Variants in OR11A1 observed in about 807,000 individuals in gnomAD.
OR11A1 encodes olfactory receptor family 11 subfamily A member 1, also known as olfactory receptor 11A1.
For missense variants in OR11A1, 380 were observed against 378.2 expected, an observed-to-expected ratio of 1.00 and a Z score of -0.04; for synonymous variants, 158 against 152.2, an observed-to-expected ratio of 1.04 and a Z score of -0.28.
intron 1 of OR11A1, chr6:29,439,413 G>A (rs1783907039): frequency 6.6e-6 from 1 of 152,304 alleles, no homozygotes; most frequent in Non-Finnish European, 1.5e-5. Flanking sequence ...TGCTATAGGA[G>A]CTTAAAAAGA....
intron 4 of OR11A1, among the ~76,000 whole-genome samples, chr6:29,428,650 G>C (rs1190313362): frequency 6.6e-6 from 1 of 151,382 alleles, no homozygotes; most frequent in African/African-American, 2.4e-5. Flanking sequence ...CCAGCTACTC[G>C]GGATGCCGAG....
intron 3 of OR11A1, among the ~76,000 whole-genome samples, chr6:29,429,735 C>T (rs1355252783): frequency 6.6e-6 from 1 of 152,100 alleles, no homozygotes; most frequent in Non-Finnish European, 1.5e-5. Flanking sequence ...CCAAGGGTAG[C>T]TCAAACAATC....
At chr6:29,432,648 G>T (rs1338074708) in intron 1 of OR11A1, among the ~76,000 whole-genome samples, 1 of 152,122 alleles carries the variant, frequency 6.6e-6, no homozygotes, top group African/African-American at 2.4e-5. Context: ...CGTTGAAATG[G>T]TTATGTAGCG....
intron 1 of OR11A1, among the ~76,000 whole-genome samples, chr6:29,432,997 T>C (rs550037918): frequency 2.9e-4 from 44 of 152,334 alleles, no homozygotes; most frequent in African/African-American, 1.0e-3. Context: ...ATATGTGTCT[T>C]GAAAAGAAAA....
At chr6:29,430,554 T>C in intron 2 of OR11A1, 129 bp from the exon 3 acceptor site, 4 of 540,676 alleles carry the variant, frequency 7.4e-6, no homozygotes, top group Non-Finnish European at 9.4e-6. Flanking sequence ...AAGTGAAATA[T>C]CTCAGAAACA....
intron 3 of OR11A1, among the ~76,000 whole-genome samples, chr6:29,429,814 G>A (rs1193563178): frequency 6.6e-6 from 1 of 152,168 alleles, no homozygotes; most frequent in Non-Finnish European, 1.5e-5. Context: ...AAAGGGGCCA[G>A]GATCAGAGTC....
chr6:29,431,982 C>T lies in OR11A1; in HGVS notation c.-383G>A. ...ACCTTCAGCTCCCTCCCTGCTTGAG[C>T]TCAACCTGAAGTAACGTAGAACATT... On this transcript the variant is annotated 5_prime_UTR_variant, in exon 2 of 5. Coordinates refer to ENST00000377149, the MANE Select transcript of OR11A1 (RefSeq NM_001394828.1). 2.0e-6 allele frequency: 2 copies of T among 985,386 alleles called. No homozygotes were observed. Among genetic ancestry groups the T allele is most frequent in the Non-Finnish European group, 2.4e-6 (2 of 829,932 alleles). 61.0% of individuals were successfully genotyped at this position (985,386 alleles called of 1,614,324 possible).
At chr6:29,436,445 G>C (rs1456695401) in intron 1 of OR11A1, among the ~76,000 whole-genome samples, 3 of 152,110 alleles carry the variant, frequency 2.0e-5, no homozygotes, top group Non-Finnish European at 2.9e-5. Context: ...ATGTGTTATA[G>C]GGCTGTTGGC....
intron 4 of OR11A1, 88 bp from the exon 5 acceptor site, chr6:29,427,820 T>A (rs1350536570): frequency 2.1e-6 from 2 of 974,276 alleles, no homozygotes; most frequent in East Asian, 2.6e-5. Flanking sequence ...CCTTCTTAGT[T>A]GTCATTCCTT....
In OR11A1 at chr6:29,453,745, A is replaced by T. The variant is rs925842391; in HGVS notation, c.-389+3242T>A. Among the ~76,000 whole-genome samples the T allele has an allele frequency of 1.1e-4, 17 of 152,214 alleles. No homozygotes were observed. Among genetic ancestry groups the T allele is most frequent in the African/African-American group, 3.9e-4 (16 of 41,470 alleles). On this transcript the variant is annotated intron_variant, in intron 1 of 4. Transcript: ENST00000377149. The surrounding 1 kb of genome is among the most constrained non-coding windows in gnomAD (Gnocchi z 4.5). ...CACATTCCTGGCTGACTGGGAAACT[A>T]CAGGTATGTACAGAAGAAACATGAG... is the stretch of plus-strand genomic sequence containing the variant.
At chr6:29,440,959 G>A (rs780271887) in intron 1 of OR11A1, 2 of 1,585,202 alleles carry the variant, frequency 1.3e-6, no homozygotes, top group Non-Finnish European at 1.7e-6. Context: ...ATTTGAAAAG[G>A]GGGCGATAGT....
At chr6:29,439,958 T>C in intron 1 of OR11A1, 1 of 1,359,762 alleles carries the variant, frequency 7.4e-7, no homozygotes, top group South Asian at 1.3e-5. Flanking sequence ...CACGATTCCA[T>C]AGTTGTGATT....
At chr6:29,442,375 C>G (rs757789187) in intron 1 of OR11A1, among the ~76,000 whole-genome samples, 1 of 152,138 alleles carries the variant, frequency 6.6e-6, no homozygotes, top group African/African-American at 2.4e-5. Flanking sequence ...GAGGGTGAAT[C>G]AAAAACAGCC....
Position 29,426,544 on chromosome 6 carries a change from T to C in OR11A1, c.*150A>G. The C allele has an allele frequency of 1.7e-6, 1 of 599,866 alleles. No homozygotes were observed. 37.2% of individuals were successfully genotyped at this position (599,866 alleles called of 1,614,324 possible). On this transcript the variant is annotated 3_prime_UTR_variant, in exon 5 of 5. Coordinates refer to ENST00000377149, the MANE Select transcript of OR11A1 (RefSeq NM_001394828.1). ...GAACTTAAAATAAAAGTTAAAAAAT[T>C]GTTGCCCTATCATTTTCATTTTTAG...
At position 29,426,638 on chromosome 6, in the gene OR11A1, G is replaced by T; in HGVS notation, c.*56C>A. 1 of 1,381,768 alleles carries T rather than the reference G, an allele frequency of 7.2e-7. No homozygotes were observed. The allele number at this position is 1,381,768 out of a possible 1,614,324, so 85.6% of individuals were successfully genotyped here. A position where few individuals can be genotyped will look rare whatever the true frequency, so the allele number is the denominator to read the frequency against. On this transcript the variant is annotated 3_prime_UTR_variant, in exon 5 of 5. Transcript: ENST00000377149. ...AGTTACTCCTCTCCAACCCATCCTG[G>T]AAGAGTCCCCAGTGGAGGTGTCCGA...
intron 3 of OR11A1, among the ~76,000 whole-genome samples, chr6:29,429,280 T>G (rs1431446756): frequency 6.6e-6 from 1 of 152,204 alleles, no homozygotes; most frequent in East Asian, 1.9e-4. Context: ...AATCCCATTT[T>G]CCATACCTCT....
At chr6:29,447,950 C>T (rs1415811808) in intron 1 of OR11A1, among the ~76,000 whole-genome samples, 1 of 151,022 alleles carries the variant, frequency 6.6e-6, no homozygotes, top group Non-Finnish European at 1.5e-5. Flanking sequence ...TTCTTTTAGC[C>T]AGTCTATAGC....
intron 1 of OR11A1, chr6:29,450,094 A>T (rs1392442792): frequency 6.6e-6 from 1 of 152,248 alleles, no homozygotes; most frequent in Non-Finnish European, 1.5e-5. Flanking sequence ...GTGGCAGCAC[A>T]GTTTTATGAG....
chr6:29,454,841 C>G (rs1785861043), intron 1 of OR11A1, among the ~76,000 whole-genome samples: 1 of 151,998 alleles, frequency 6.6e-6, no homozygotes, highest in Admixed American at 6.6e-5. Flanking sequence ...ACTGGAGGAA[C>G]CAGATATAGG....
Sources: gnomAD v4.1 joint callset for allele counts (sites outside exome capture counted in the v4.1 genomes callset) on GRCh38, gnomAD v4.1.1 for gene constraint, Gnocchi (gnomAD v3.1) non-coding constraint, MANE v1.5 for transcripts, NCBI Gene and HGNC (gene_info 2026-07-23, HGNC 2026-07-21) for gene names.